Variants in FGD6 observed in about 807,000 individuals in gnomAD.
FGD6 encodes the protein FYVE, RhoGEF and PH domain-containing protein 6.
Under a neutral mutation model 149.4 loss-of-function variants are expected in FGD6, and 90 were observed. That is an observed-to-expected ratio of 0.60 (90% confidence interval 0.51 to 0.72). The LOEUF (loss-of-function observed/expected upper bound fraction) is 0.72, where lower values mean the gene tolerates loss of function less well. Ranked by LOEUF, FGD6 falls within the 30% of genes least tolerant of loss-of-function variation. FGD6 has a pLI of 0.00. For synonymous variants in FGD6, 527 were observed against 584.0 expected (o/e 0.90, Z 1.41); for missense variants, 1,437 against 1,684.8 (o/e 0.85, Z 2.57).
intron 2 of FGD6, among the ~76,000 whole-genome samples, chr12:95,187,859 C>T (rs1317894693): frequency 2.0e-5 from 3 of 152,134 alleles, no homozygotes; most frequent in African/African-American, 7.2e-5. Flanking sequence ...ACTACTTGTA[C>T]AGTAATATCC....
Position 95,152,932 on chromosome 12 carries a change from T to G in FGD6, c.2648A>C (p.Glu883Ala). The G allele has an allele frequency of 1.9e-6, 3 of 1,614,068 alleles. No individual in the cohort carries two copies. Among genetic ancestry groups the G allele is most frequent in the Non-Finnish European group, 2.5e-6 (3 of 1,179,958 alleles). ...HHIAKEIMSSEKVFVDVLKLL... is the reference protein window; with the variant it reads ...HHIAKEIMSSAKVFVDVLKLL... ...TTGTAAACTAGATACCTACACTTTC[T>G]CTGAGCTCATGATCTCCTTGGCAAT... Residue 883 changes from glutamate (E) to alanine (A), a missense_variant, in exon 4 of 21, where the codon GAG becomes GCG. By Grantham distance (107) the Glu-to-Ala change is moderately radical. Transcript: ENST00000343958.
chr12:95,216,544 C>G (rs1206623333), intron 1 of FGD6, among the ~76,000 whole-genome samples: 1 of 151,652 alleles, frequency 6.6e-6, no homozygotes, highest in Non-Finnish European at 1.5e-5. Context: ...AAAATCCACA[C>G]AAAGATAGAG....
At chr12:95,116,189 C>T (rs1044772359) in intron 8 of FGD6, among the ~76,000 whole-genome samples, 1 of 152,136 alleles carries the variant, frequency 6.6e-6, no homozygotes, top group Admixed American at 6.6e-5. Context: ...CAATATATTA[C>T]ATAATCCGTG....
At chr12:95,123,813 C>T (rs996254030) in intron 8 of FGD6, among the ~76,000 whole-genome samples, 5 of 152,152 alleles carry the variant, frequency 3.3e-5, no homozygotes, top group African/African-American at 7.2e-5. Flanking sequence ...CCACCCGCCT[C>T]GGCCTCCCAA....
chr12:95,125,638 T>C lies in FGD6; in HGVS notation c.3082+9101A>G, dbSNP rs1250904465. ...GAAACAGAGCAAGACCATGTCTCAA[T>C]AAATAAATAAATATTTATATTTTGT... On this transcript the variant is annotated intron_variant, in intron 8 of 20. Coordinates refer to ENST00000343958, the MANE Select transcript of FGD6 (RefSeq NM_018351.4). 36 of 340,118 alleles carry C rather than the reference T, an allele frequency of 1.1e-4. 1 individual carries two copies. In the East Asian group the frequency reaches 1.7e-3, roughly 16 times the overall value. 21.1% of individuals were successfully genotyped at this position (340,118 alleles called of 1,614,324 possible).
chr12:95,187,262 C>A (rs994127358), intron 2 of FGD6, among the ~76,000 whole-genome samples: 1 of 150,076 alleles, frequency 6.7e-6, no homozygotes, highest in African/African-American at 2.5e-5. Flanking sequence ...ACCCAGGAGG[C>A]GGAGCTTGCA....
chr12:95,101,577 C>CA (rs1272956306), intron 14 of FGD6, among the ~76,000 whole-genome samples: 1 of 151,968 alleles, frequency 6.6e-6, no homozygotes, highest in Non-Finnish European at 1.5e-5. Context: ...TTTCTATAGG[C>CA]ATTTCTGCCT....
Position 95,100,578 on chromosome 12 carries a change from C to T in FGD6, c.3497+4429G>A, listed in dbSNP as rs555375261. ...GCACTGTTGGCTGTATCTGTTCCCA[C>T]GACTTTCTAGGAGACTCCTGTGGCA... On this transcript the variant is annotated intron_variant, in intron 14 of 20. Transcript: ENST00000343958. The T allele has an allele frequency of 2.8e-5, 12 of 427,718 alleles. No individual in the cohort carries two copies. The East Asian group carries it at 3.3e-4, about 12-fold the overall frequency. The allele number at this position is 427,718 out of a possible 1,614,324, so 26.5% of individuals were successfully genotyped here. A position where few individuals can be genotyped will look rare whatever the true frequency, so the allele number is the denominator to read the frequency against.
At chr12:95,142,345 A>G (rs565627970) in intron 5 of FGD6, among the ~76,000 whole-genome samples, 9 of 151,840 alleles carry the variant, frequency 5.9e-5, no homozygotes, top group African/African-American at 2.2e-4. Flanking sequence ...GCGTTTCACC[A>G]TGTTGGCCAG....
intron 15 of FGD6, among the ~76,000 whole-genome samples, chr12:95,093,537 A>G (rs1878135869): frequency 6.7e-6 from 1 of 150,034 alleles, no homozygotes; most frequent in African/African-American, 2.5e-5. Flanking sequence ...GACAATTAGC[A>G]TGGTGGCGCA....
intron 5 of FGD6, among the ~76,000 whole-genome samples, chr12:95,142,686 G>A (rs1879887567): frequency 6.6e-6 from 1 of 152,218 alleles, no homozygotes. Flanking sequence ...TATAATACTA[G>A]TTATGAGACT....
At chr12:95,115,794 A>T (rs769075111) in intron 8 of FGD6, among the ~76,000 whole-genome samples, 14 of 152,218 alleles carry the variant, frequency 9.2e-5, no homozygotes, top group Non-Finnish European at 2.1e-4. Flanking sequence ...ATCTTCAAAC[A>T]TAACAGATGA....
intron 2 of FGD6, among the ~76,000 whole-genome samples, chr12:95,203,556 A>G (rs1353789352): frequency 3.3e-5 from 5 of 152,234 alleles, no homozygotes; most frequent in African/African-American, 1.2e-4. Flanking sequence ...CAACTAAGAA[A>G]AAGACAACTA....
intron 6 of FGD6, among the ~76,000 whole-genome samples, chr12:95,138,653 C>CT (rs1879754174): frequency 6.6e-6 from 1 of 152,176 alleles, no homozygotes; most frequent in African/African-American, 2.4e-5. Flanking sequence ...TCCCACCACA[C>CT]TGGCCTTCTT....
chr12:95,147,775 G>A (rs1005915418), intron 5 of FGD6, among the ~76,000 whole-genome samples: 8 of 152,084 alleles, frequency 5.3e-5, no homozygotes, highest in East Asian at 1.9e-4. Flanking sequence ...GGGTTGTTAC[G>A]AGGATTAAAA....
intron 19 of FGD6, 105 bp downstream of exon 19, chr12:95,085,675 A>C (rs910244186): frequency 7.4e-7 from 1 of 1,358,552 alleles, no homozygotes; most frequent in African/African-American, 1.5e-5. Context: ...CCAAAAGCAA[A>C]GCAAAAAATC....
chr12:95,082,920 G>A (rs1289390764), intron 20 of FGD6, among the ~76,000 whole-genome samples: 2 of 141,904 alleles, frequency 1.4e-5, no homozygotes, highest in East Asian at 4.1e-4. Context: ...GCTGAGATAG[G>A]TGGACTGCTT....
In FGD6 at chr12:95,101,681, C is replaced by CTTT. The variant is rs757955014; in HGVS notation, c.3497+3323_3497+3325dup. ...ATGGTCTTAATGTTCTTTGAACTTT[C>CTTT]TTTTTTTTTTTTTTTTTTTTGAGAT... is the stretch of plus-strand genomic sequence containing the variant. On this transcript the variant is annotated intron_variant, in intron 14 of 20. Coordinates refer to ENST00000343958, the MANE Select transcript of FGD6 (RefSeq NM_018351.4). Among the ~76,000 whole-genome samples, 303 of 107,762 alleles carry CTTT rather than the reference C, an allele frequency of 2.8e-3. 4 individuals are homozygous for CTTT. The highest frequency in any genetic ancestry group is 3.2e-3 in the Non-Finnish European group (180 of 56,446). 70.7% of individuals were successfully genotyped at this position (107,762 alleles called of 152,430 possible).
intron 8 of FGD6, among the ~76,000 whole-genome samples, chr12:95,125,056 C>T (rs1350556031): frequency 1.3e-5 from 2 of 152,022 alleles, no homozygotes; most frequent in African/African-American, 2.4e-5. Flanking sequence ...AACTGTACTT[C>T]AGCCCAGTTG....
Sources: gnomAD v4.1 joint callset for allele counts (sites outside exome capture counted in the v4.1 genomes callset) on GRCh38, gnomAD v4.1.1 for gene constraint, MANE v1.5 for transcripts, NCBI Gene and HGNC (gene_info 2026-07-23, HGNC 2026-07-21) for gene names.